The following TEK variants were observed in gnomAD, a reference collection of about 807,000 sequenced individuals.
The protein encoded by TEK is angiopoietin-1 receptor.
In TEK, 43 loss-of-function variants were observed where a neutral mutation model predicts 131.8. The observed-to-expected ratio is 0.33, with a 90% CI of 0.26 to 0.42. TEK has a LOEUF of 0.42. Among genes scored for constraint, TEK ranks in the 10% least tolerant of loss-of-function variants. The pLI is 1.00. For missense variants in TEK, 1,162 were observed against 1,384.4 expected (o/e 0.84, Z 2.55); for synonymous variants, 580 against 491.6 (o/e 1.18, Z -2.38).
At chr9:27,163,048 A>G (rs546963520) in intron 2 of TEK, among the ~76,000 whole-genome samples, 3 of 152,244 alleles carry the variant, frequency 2.0e-5, no homozygotes, top group South Asian at 2.1e-4. Flanking sequence ...TTTTTGCCAC[A>G]TGTTTTCCTG....
intron 1 of TEK, among the ~76,000 whole-genome samples, chr9:27,156,030 T>G (rs1234337947): frequency 6.6e-6 from 1 of 152,142 alleles, no homozygotes; most frequent in Admixed American, 6.5e-5. Flanking sequence ...CTCAAACTCC[T>G]GACCTCAGGT....
At chr9:27,131,725 T>G (rs970766418) in intron 1 of TEK, among the ~76,000 whole-genome samples, 3 of 151,476 alleles carry the variant, frequency 2.0e-5, no homozygotes, top group Non-Finnish European at 2.9e-5. Context: ...GCAGGTCTCT[T>G]GAGCCCTGGA....
intron 21 of TEK, among the ~76,000 whole-genome samples, chr9:27,221,145 A>T (rs1217707363): frequency 1.3e-5 from 2 of 152,274 alleles, no homozygotes; most frequent in East Asian, 3.9e-4. Flanking sequence ...AATGTAAAAA[A>T]AGTCACAGGG....
intron 2 of TEK, among the ~76,000 whole-genome samples, chr9:27,159,520 C>T (rs576076481): frequency 1.8e-4 from 27 of 152,050 alleles, no homozygotes; most frequent in Non-Finnish European, 2.6e-4. Flanking sequence ...TTTTAGCAGT[C>T]GAGTACCCAG....
chr9:27,223,210 GGATCAACGAGACAGAA>G (rs1564110884), intron 21 of TEK, among the ~76,000 whole-genome samples: 3 of 152,092 alleles, frequency 2.0e-5, no homozygotes, highest in East Asian at 1.9e-4. Flanking sequence ...AATATTAGAC[GGATCAACGAGACAGAA>G]GATTAACAAG....
At chr9:27,152,864 A>G (rs1037461562) in intron 1 of TEK, among the ~76,000 whole-genome samples, 1 of 152,172 alleles carries the variant, frequency 6.6e-6, no homozygotes, top group African/African-American at 2.4e-5. Flanking sequence ...AAATATTCCC[A>G]TGTCTTAGTT....
intron 19 of TEK, 82 bp from the exon 20 acceptor site, chr9:27,218,681 TTCTCAGAAAGGGTG>T: frequency 7.7e-7 from 1 of 1,291,120 alleles, no homozygotes. Flanking sequence ...ACATCTCCTT[TTCTCAGAAAGGGTG>T]GGTCTCCCTG....
At chr9:27,176,896 G>A (rs1824191020) in intron 6 of TEK, among the ~76,000 whole-genome samples, 1 of 152,164 alleles carries the variant, frequency 6.6e-6, no homozygotes, top group South Asian at 2.1e-4. Context: ...GCTTCTATAA[G>A]TTTGACTTTT....
Position 27,228,301 on chromosome 9 carries a change from G to A in TEK, c.3296G>A (p.Arg1099Gln), listed in dbSNP as rs759970580. The A allele has an allele frequency of 9.3e-6, 15 of 1,611,090 alleles. No homozygotes were observed. Among genetic ancestry groups the A allele is most frequent in the Non-Finnish European group, 1.3e-5 (15 of 1,177,808 alleles). Residue 1099 changes from arginine to glutamine, a missense_variant, in exon 22 of 23, where the codon CGA becomes CAA. Physicochemically the swap from Arg to Gln is conservative, Grantham distance 43 (BLOSUM62 1). This residue lies in a region of TEK where 84 missense variants were observed against 80.3 expected (regional missense o/e 1.05). Transcript: ENST00000380036. ...TCCTTAAACAGAATGTTAGAGGAGC[G>A]AAAGGTAAGTATTAAAGTCAGGCAG... ...LVSLNRMLEE[R>Q]KTYVNTTLYE...
intron 1 of TEK, among the ~76,000 whole-genome samples, chr9:27,149,138 A>G (rs1379405905): frequency 6.6e-6 from 1 of 152,220 alleles, no homozygotes; most frequent in Non-Finnish European, 1.5e-5. Flanking sequence ...TTATTCATTC[A>G]TCAATGTTTA....
Position 27,172,644 on chromosome 9 carries a change from A to T in TEK, c.657A>T (p.Glu219Asp). The change falls in exon 5 of 23, where the codon GAA (glutamate) becomes GAT (aspartate). Residue 219 changes from glutamate (E) to aspartate (D), a missense_variant. This residue lies in a region of TEK where 436 missense variants were observed against 539.1 expected (regional missense o/e 0.81). Transcript: ENST00000380036. The part of the protein sequence containing the change: ...RRCEAQKWGP[E>D]CNHLCTACMN... The stretch of plus-strand genomic sequence containing the variant: ...GTGAAGCCCAGAAGTGGGGACCTGA[A>T]TGCAACCATCTCTGTACTGCTTGTA... The T allele has an allele frequency of 6.2e-7, 1 of 1,613,764 alleles. No individual in the cohort carries two copies. Among genetic ancestry groups the T allele is most frequent in the Non-Finnish European group, 8.5e-7 (1 of 1,179,704 alleles).
intron 6 of TEK, among the ~76,000 whole-genome samples, chr9:27,177,678 A>T (rs1824220863): frequency 6.6e-6 from 1 of 152,120 alleles, no homozygotes; most frequent in Admixed American, 6.6e-5. Flanking sequence ...TGAACCAGGG[A>T]GGTGGAGGTT....
At chr9:27,223,877 TGAA>T (rs1209355220) in intron 21 of TEK, among the ~76,000 whole-genome samples, 1 of 151,844 alleles carries the variant, frequency 6.6e-6, no homozygotes, top group Admixed American at 6.6e-5. Flanking sequence ...GCCAGACTAA[TGAA>T]GAAGAGAGAG....
chr9:27,229,533 G>T lies in TEK; in HGVS notation c.*301G>T. The T allele has an allele frequency of 2.4e-6, 1 of 419,544 alleles. No individual in the cohort carries two copies. The allele number at this position is 419,544 out of a possible 1,614,324, so 26.0% of individuals were successfully genotyped here. ...TCATAGGAAGGCGTGAGTACAATTA[G>T]TATAATGCATAACTCATTGTTGTCC... On this transcript the variant is annotated 3_prime_UTR_variant, in exon 23 of 23. Transcript: ENST00000380036.
chr9:27,126,106 T>G (rs925544166), intron 1 of TEK, among the ~76,000 whole-genome samples: 35 of 152,222 alleles, frequency 2.3e-4, no homozygotes, highest in African/African-American at 8.4e-4. Flanking sequence ...TCACGACATT[T>G]TCGTCAACAC....
chr9:27,143,890 A>G (rs1403037137), intron 1 of TEK, among the ~76,000 whole-genome samples: 1 of 152,210 alleles, frequency 6.6e-6, no homozygotes, highest in East Asian at 1.9e-4. Context: ...GGAAAGCATG[A>G]GCCAAGTCTT....
intron 1 of TEK, among the ~76,000 whole-genome samples, chr9:27,133,745 A>C (rs1822313094): frequency 1.3e-5 from 2 of 152,132 alleles, no homozygotes. Context: ...CGTCTCTGGG[A>C]TCTTTACCCC....
At chr9:27,185,993 CA>C (rs111755610) in intron 9 of TEK, among the ~76,000 whole-genome samples, 1 of 152,202 alleles carries the variant, frequency 6.6e-6, no homozygotes, top group African/African-American at 2.4e-5. Flanking sequence ...GTGTCAGGCA[CA>C]ACATATCTGG....
At chr9:27,217,535 T>G (rs1482607142) in intron 18 of TEK, among the ~76,000 whole-genome samples, 153 bp from the exon 19 acceptor site, 3 of 152,050 alleles carry the variant, frequency 2.0e-5, no homozygotes, top group Non-Finnish European at 4.4e-5. Flanking sequence ...TTTGCATGTT[T>G]TGAAATTTGA....
Sources: allele counts gnomAD v4.1 joint callset (sites outside exome capture counted in the v4.1 genomes callset), GRCh38; gene constraint gnomAD v4.1.1; regional missense constraint gnomAD v4.1.1; transcripts MANE v1.5; gene names NCBI Gene and HGNC (gene_info 2026-07-23, HGNC 2026-07-21).